The following OTUD3 variants were observed in gnomAD, a reference collection of about 807,000 sequenced individuals.
The protein encoded by OTUD3 is OTU deubiquitinase 3, also known as OTU domain-containing protein 3.
In OTUD3, 24 loss-of-function variants were observed where a neutral mutation model predicts 46.2. That is an observed-to-expected ratio of 0.52 (90% CI 0.38 to 0.73). The LOEUF (loss-of-function observed/expected upper bound fraction) is 0.73. OTUD3 is among the 30% of genes least tolerant of loss of function. The pLI is 0.00. For synonymous variants in OTUD3, 189 were observed against 195.4 expected (o/e 0.97, Z 0.27); for missense variants, 455 against 523.3 (o/e 0.87, Z 1.27).
intron 4 of OTUD3, among the ~76,000 whole-genome samples, chr1:19,902,776 C>G (rs1013926120): frequency 6.6e-6 from 1 of 151,982 alleles, no homozygotes; most frequent in African/African-American, 2.4e-5. Flanking sequence ...ATTATATCAT[C>G]TACAAAGACA....
rs766979168 is a variant in OTUD3, at chr1:19,910,090, A to C, written c.*2344A>C. The C allele has an allele frequency of 6.6e-6, 1 of 152,404 alleles. No homozygotes were observed. The highest frequency in any genetic ancestry group is 2.1e-4 in the South Asian group (1 of 4,828). 9.4% of individuals were successfully genotyped at this position (152,404 alleles called of 1,614,324 possible). ...TGAGAAGGTTGGAATCAACATGCTT[A>C]GTTGCCTCAGTGGGCACTTGAAAAT... On this transcript the variant is annotated 3_prime_UTR_variant, in exon 8 of 8. Transcript: ENST00000375120.
At chr1:19,885,206 G>C (rs1041889117) in intron 1 of OTUD3, among the ~76,000 whole-genome samples, 1 of 152,224 alleles carries the variant, frequency 6.6e-6, no homozygotes, top group Non-Finnish European at 1.5e-5. Flanking sequence ...CTTGACTGGA[G>C]TGCTCATGTC....
chr1:19,882,655 G>A lies in OTUD3; in HGVS notation c.142G>A (p.Gly48Ser), dbSNP rs1462394691. The change falls in exon 1 of 8, where the codon GGC becomes AGC. Residue 48 changes from glycine (G) to serine (S), a missense_variant. Physicochemically the swap from Gly to Ser is moderately conservative, Grantham distance 56. Coordinates refer to ENST00000375120, the MANE Select transcript of OTUD3 (RefSeq NM_015207.2). ...RNRPESGGGG[G>S]CEEEFVSFAN... ...TCGGCCGGAGTCTGGCGGCGGCGGC[G>A]GCTGCGAGGAGGAGTTCGTCAGCTT... 2.7e-6 allele frequency: 4 copies of A among 1,458,460 alleles called. No homozygotes were observed. Among genetic ancestry groups the A allele is most frequent in the Non-Finnish European group, 3.6e-6 (4 of 1,107,154 alleles). 90.3% of individuals were successfully genotyped at this position (1,458,460 alleles called of 1,614,324 possible). A position where few individuals can be genotyped will look rare whatever the true frequency, so the allele number is the denominator to read the frequency against.
intron 3 of OTUD3, among the ~76,000 whole-genome samples, chr1:19,894,780 G>T (rs1485103218): frequency 6.6e-6 from 1 of 152,216 alleles, no homozygotes; most frequent in Non-Finnish European, 1.5e-5. Flanking sequence ...ACCCCCTAAA[G>T]TCAGAGTGCT....
chr1:19,902,677 G>A lies in OTUD3; in HGVS notation c.607-1590G>A, dbSNP rs571393825. ...TGTAAGAGTTTTTTAATATATTCTAGATGCTAGATTCTTACCCAGGTATAT... is the reference window on the plus strand; with the variant it reads ...TGTAAGAGTTTTTTAATATATTCTAAATGCTAGATTCTTACCCAGGTATAT... On this transcript the variant is annotated intron_variant, in intron 4 of 7. Coordinates refer to ENST00000375120, the MANE Select transcript of OTUD3 (RefSeq NM_015207.2). Among the ~76,000 whole-genome samples, 103 of 152,166 alleles carry A rather than the reference G, an allele frequency of 6.8e-4. 1 individual carries two copies. Among genetic ancestry groups the A allele is most frequent in the African/African-American group, 2.4e-3 (101 of 41,496 alleles).
intron 3 of OTUD3, among the ~76,000 whole-genome samples, chr1:19,896,008 T>G (rs1199021038): frequency 2.6e-5 from 4 of 152,186 alleles, no homozygotes; most frequent in East Asian, 3.8e-4. Context: ...TTCTGTAGTG[T>G]TCTCTTTCAT....
rs1271050171 is a variant in OTUD3 at position 19,911,058 on chromosome 1, C to T, written c.*3312C>T. ...AGTCAGTTGAAGGAAACTTGGATTC[C>T]TAGTCAGAGGTGACTAAAAGTTACC... On this transcript the variant is annotated 3_prime_UTR_variant, in exon 8 of 8. Coordinates refer to ENST00000375120, the MANE Select transcript of OTUD3 (RefSeq NM_015207.2). 6.6e-6 allele frequency: 1 copy of T among 152,284 alleles called. No individual in the cohort carries two copies. Among genetic ancestry groups the T allele is most frequent in the African/African-American group, 2.4e-5 (1 of 41,426 alleles). The allele number at this position is 152,284 out of a possible 1,614,324, so 9.4% of individuals were successfully genotyped here.
chr1:19,897,454 T>A (rs2045531245), intron 3 of OTUD3, 86 bp from the exon 4 acceptor site: 1 of 1,438,948 alleles, frequency 6.9e-7, no homozygotes, highest in African/African-American at 1.4e-5. Flanking sequence ...CTGACTGGGC[T>A]TCCTCAGCAG....
chr1:19,903,040 CTTTTTTTTT>C (rs36114504), intron 4 of OTUD3, among the ~76,000 whole-genome samples: 6 of 58,052 alleles, frequency 1.0e-4, no homozygotes, highest in African/African-American at 3.5e-4. Context: ...AATCTTTTCT[CTTTTTTTTT>C]TTTTTTTTTT....
chr1:19,887,388 A>G (rs2045379896), intron 1 of OTUD3, among the ~76,000 whole-genome samples: 1 of 151,894 alleles, frequency 6.6e-6, no homozygotes, highest in South Asian at 2.1e-4. Flanking sequence ...CCGGCTGATG[A>G]TCTCTCATAT....
Position 19,911,910 on chromosome 1 carries a change from C to A in OTUD3, c.*4164C>A, listed in dbSNP as rs1367164087. On this transcript the variant is annotated 3_prime_UTR_variant, in exon 8 of 8. Coordinates refer to ENST00000375120, the MANE Select transcript of OTUD3 (RefSeq NM_015207.2). ...CTTGTGGTTGGCCTGGAAGTTCTCT[C>A]CCAAGGTGAAATTCCTTTAAAACCT... The A allele has an allele frequency of 6.6e-6, 1 of 152,258 alleles. No individual in the cohort carries two copies. The highest frequency in any genetic ancestry group is 1.5e-5 in the Non-Finnish European group (1 of 68,044). The allele number at this position is 152,258 out of a possible 1,614,324, so 9.4% of individuals were successfully genotyped here.
In OTUD3 at chr1:19,911,714, C is replaced by T. The variant is rs1557685247; in HGVS notation, c.*3968C>T. The T allele has an allele frequency of 6.6e-6, 1 of 152,140 alleles. No homozygotes were observed. The allele number at this position is 152,140 out of a possible 1,614,324, so 9.4% of individuals were successfully genotyped here. A position where few individuals can be genotyped will look rare whatever the true frequency, so the allele number is the denominator to read the frequency against. ...GTAAATTGTATTTTTTTAATGACAT[C>T]ATTGATTTGAAGATCTAGATGGCAT... On this transcript the variant is annotated 3_prime_UTR_variant, in exon 8 of 8. Coordinates refer to ENST00000375120, the MANE Select transcript of OTUD3 (RefSeq NM_015207.2).
chr1:19,894,941 G>A (rs1490081260), intron 3 of OTUD3, among the ~76,000 whole-genome samples: 1 of 151,882 alleles, frequency 6.6e-6, no homozygotes, highest in Non-Finnish European at 1.5e-5. Context: ...TTAGAAAATT[G>A]AAAAAGCTCG....
intron 1 of OTUD3, among the ~76,000 whole-genome samples, chr1:19,888,002 T>G (rs1467026446): frequency 6.6e-6 from 1 of 152,222 alleles, no homozygotes; most frequent in Non-Finnish European, 1.5e-5. Context: ...AATTGGTTGT[T>G]TTTGTGAACT....
chr1:19,884,373 T>C lies in OTUD3; in HGVS notation c.221+1639T>C, dbSNP rs184171374. Among the ~76,000 whole-genome samples the C allele has an allele frequency of 1.1e-4, 17 of 152,170 alleles. No individual in the cohort carries two copies. In the East Asian group the frequency reaches 2.9e-3, roughly 26 times the overall value. ...GAAACTTTGGGGGTACTACTTCTGC[T>C]CCCTATCCCCACACCCCCATACACA... On this transcript the variant is annotated intron_variant, in intron 1 of 7. Transcript: ENST00000375120.
At chr1:19,887,168 T>C (rs1017675633) in intron 1 of OTUD3, among the ~76,000 whole-genome samples, 5 of 151,010 alleles carry the variant, frequency 3.3e-5, no homozygotes, top group Non-Finnish European at 5.9e-5. Flanking sequence ...CACTGGAACC[T>C]CTGCCTCCCA....
chr1:19,896,508 ACT>A (rs767147679), intron 3 of OTUD3, among the ~76,000 whole-genome samples: 1 of 151,944 alleles, frequency 6.6e-6, no homozygotes, highest in Non-Finnish European at 1.5e-5. Context: ...TCTAAACCAG[ACT>A]CTCTGCACTT....
At chr1:19,890,656 A>G (rs1183381375) in intron 2 of OTUD3, 123 bp downstream of exon 2, 8 of 924,452 alleles carry the variant, frequency 8.7e-6, no homozygotes, top group Admixed American at 4.1e-5. Flanking sequence ...CATTTATTCA[A>G]GAAATATTTG....
intron 3 of OTUD3, among the ~76,000 whole-genome samples, chr1:19,896,269 A>G (rs915311071): frequency 2.6e-5 from 4 of 152,094 alleles, no homozygotes; most frequent in African/African-American, 7.2e-5. Context: ...TGAACAATCT[A>G]GATGTATGTA....
Sources: gnomAD v4.1 joint callset for allele counts (sites outside exome capture counted in the v4.1 genomes callset) on GRCh38, gnomAD v4.1.1 for gene constraint, MANE v1.5 for transcripts, NCBI Gene and HGNC (gene_info 2026-07-23, HGNC 2026-07-21) for gene names.